The following GATAD2A variants were observed in gnomAD, a reference collection of about 807,000 sequenced individuals.
GATAD2A encodes the protein transcriptional repressor p66-alpha.
A neutral mutation model predicts 68.5 loss-of-function variants in GATAD2A; 12 were observed. The ratio of observed to expected loss-of-function variants is 0.18; its 90% CI spans 0.11 to 0.28. The LOEUF (loss-of-function observed/expected upper bound fraction) is 0.28, where lower values mean the gene tolerates loss of function less well. Ranked by LOEUF, GATAD2A falls within the 10% of genes least tolerant of loss-of-function variation. The pLI is 1.00. For missense variants in GATAD2A, 755 were observed against 868.5 expected, an observed-to-expected ratio of 0.87 and a Z score of 1.64; for synonymous variants, 410 against 375.3, an observed-to-expected ratio of 1.09 and a Z score of -1.07.
At chr19:19,396,538 A>T (rs2049254285) in intron 1 of GATAD2A, among the ~76,000 whole-genome samples, 1 of 152,092 alleles carries the variant, frequency 6.6e-6, no homozygotes, top group Admixed American at 6.6e-5. Flanking sequence ...GCCTCACCTT[A>T]CTGTACTCTC....
intron 1 of GATAD2A, chr19:19,458,752 A>G (rs2057162068): frequency 6.6e-6 from 1 of 152,196 alleles, no homozygotes; most frequent in African/African-American, 2.4e-5. Flanking sequence ...CAGAAGGTAG[A>G]TGATTTAAGC....
At chr19:19,440,222 G>GT (rs2054847738) in intron 1 of GATAD2A, 1 of 297,158 alleles carries the variant, frequency 3.4e-6, no homozygotes, top group Non-Finnish European at 6.6e-6. Context: ...CTAAGGAAAG[G>GT]TGGGGGGATT....
intron 1 of GATAD2A, among the ~76,000 whole-genome samples, chr19:19,448,921 T>TGA (rs2056064942): frequency 6.6e-6 from 1 of 152,168 alleles, no homozygotes; most frequent in Admixed American, 6.6e-5. Context: ...GCCCTCAAGC[T>TGA]GAGACACAGG....
At position 19,465,009 on chromosome 19, in the gene GATAD2A, T is replaced by C. The variant is rs2057754509; in HGVS notation, c.-6-331T>C. On this transcript the variant is annotated intron_variant, in intron 1 of 11. Coordinates refer to ENST00000683918, the MANE Select transcript of GATAD2A (RefSeq NM_001384528.1). ...GAACAACTTTTCCTCTGTTTGCTGTTGAGCCTTTCCTTGCTGATAAGCAGC... is the reference window on the plus strand; with the variant it reads ...GAACAACTTTTCCTCTGTTTGCTGTCGAGCCTTTCCTTGCTGATAAGCAGC... The C allele has an allele frequency of 2.0e-5, 8 of 405,164 alleles. No individual in the cohort carries two copies. The South Asian group carries it at 2.2e-4, about 11-fold the overall frequency. 25.1% of individuals were successfully genotyped at this position (405,164 alleles called of 1,614,324 possible).
chr19:19,502,236 A>G, intron 10 of GATAD2A, 95 bp from the exon 11 acceptor site: 2 of 1,067,898 alleles, frequency 1.9e-6, no homozygotes, highest in East Asian at 4.8e-5. Context: ...GTGGGTGGGA[A>G]GAGGTCAGCC....
chr19:19,445,361 G>A (rs1039109423), intron 1 of GATAD2A, among the ~76,000 whole-genome samples: 6 of 152,172 alleles, frequency 3.9e-5, no homozygotes, highest in African/African-American at 1.2e-4. Flanking sequence ...ATTGGAATTA[G>A]TATTTTTGTT....
intron 1 of GATAD2A, among the ~76,000 whole-genome samples, chr19:19,430,976 G>GGTGTGTGTGTGTGTGTGTGTGTGTGT (rs71170687): frequency 7.3e-6 from 1 of 136,694 alleles, no homozygotes; most frequent in Non-Finnish European, 1.6e-5. Context: ...GTATGGTAGG[G>GGTGTGTGTGTGTGTGTGTGTGTGTGT]GTGTGTGTGT....
intron 1 of GATAD2A, among the ~76,000 whole-genome samples, chr19:19,416,460 C>T (rs984927692): frequency 6.6e-6 from 1 of 152,150 alleles, no homozygotes; most frequent in Admixed American, 6.5e-5. Flanking sequence ...TGCTCACTCC[C>T]TTGGGAAATA....
intron 1 of GATAD2A, among the ~76,000 whole-genome samples, chr19:19,455,506 AT>A (rs1029616509): frequency 2.6e-5 from 4 of 152,102 alleles, no homozygotes; most frequent in Admixed American, 1.3e-4. Context: ...TAAAAAAAAA[AT>A]TTTTTTTGAA....
chr19:19,465,574 C>G lies in GATAD2A; in HGVS notation c.229C>G (p.Leu77Val). ...TAMAMGRGEG[L>V]VGDGPVDMRT... Reference sequence around the variant, plus strand: ...CATGGCCATGGGCAGAGGCGAAGGGCTGGTGGGCGATGGGCCCGTGGACAT... The same window carrying G: ...CATGGCCATGGGCAGAGGCGAAGGGGTGGTGGGCGATGGGCCCGTGGACAT... Residue 77 changes from leucine (L) to valine (V), a missense_variant, in exon 2 of 12, where the codon CTG becomes GTG. By Grantham distance (32) the Leu-to-Val change is conservative. Coordinates refer to ENST00000683918, the MANE Select transcript of GATAD2A (RefSeq NM_001384528.1). 1 of 1,613,534 alleles carries G rather than the reference C, an allele frequency of 6.2e-7. No individual in the cohort carries two copies. Among genetic ancestry groups the G allele is most frequent in the Non-Finnish European group, 8.5e-7 (1 of 1,179,674 alleles).
intron 7 of GATAD2A, among the ~76,000 whole-genome samples, chr19:19,496,588 G>A (rs563199007): frequency 4.6e-5 from 7 of 152,208 alleles, no homozygotes; most frequent in Non-Finnish European, 1.0e-4. Flanking sequence ...TGATGGGCCC[G>A]GAGATGCCTT....
intron 1 of GATAD2A, among the ~76,000 whole-genome samples, chr19:19,437,770 T>G (rs1321091344): frequency 6.6e-6 from 1 of 152,264 alleles, no homozygotes. Context: ...TTTTTATGGC[T>G]GAATGATATT....
rs956629442 is a variant in GATAD2A at position 19,506,814 on chromosome 19, A to G, written c.*1340A>G. 1 of 152,210 alleles carries G rather than the reference A, an allele frequency of 6.6e-6. No homozygotes were observed. The highest frequency in any genetic ancestry group is 2.4e-5 in the African/African-American group (1 of 41,452). The allele number at this position is 152,210 out of a possible 1,614,324, so 9.4% of individuals were successfully genotyped here. A position where few individuals can be genotyped will look rare whatever the true frequency, so the allele number is the denominator to read the frequency against. ...GCGAGGGCGTCCCGTGCCCACGTAC[A>G]TACGTATGTCTCCATGAGTTCTGGG... On this transcript the variant is annotated 3_prime_UTR_variant, in exon 12 of 12. Transcript: ENST00000683918.
At chr19:19,399,560 A>G (rs2049544312) in intron 1 of GATAD2A, among the ~76,000 whole-genome samples, 1 of 152,126 alleles carries the variant, frequency 6.6e-6, no homozygotes, top group Non-Finnish European at 1.5e-5. Context: ...GTCTCTATTG[A>G]AGGTTACCTT....
At chr19:19,442,555 A>G (rs1175207975) in intron 1 of GATAD2A, among the ~76,000 whole-genome samples, 1 of 152,104 alleles carries the variant, frequency 6.6e-6, no homozygotes, top group Non-Finnish European at 1.5e-5. Flanking sequence ...TCAGCCTGGG[A>G]GGCGGAAAGT....
chr19:19,475,117 C>T (rs559746202), intron 2 of GATAD2A, among the ~76,000 whole-genome samples: 3 of 152,382 alleles, frequency 2.0e-5, no homozygotes, highest in East Asian at 1.9e-4. Context: ...GCTGAGCTTC[C>T]ACCCCCTGCT....
In GATAD2A at chr19:19,507,448, G is replaced by C. The variant is rs149330179; in HGVS notation, c.*1974G>C. On this transcript the variant is annotated 3_prime_UTR_variant, in exon 12 of 12. Transcript: ENST00000683918. ...CTTCCCACTGAAAGCCCTCCCCAGC[G>C]AACCAACCTCAGTTCTATGCAGTGG... 1.3e-5 allele frequency: 2 copies of C among 152,124 alleles called. No homozygotes were observed. Among genetic ancestry groups the C allele is most frequent in the Admixed American group, 6.6e-5 (1 of 15,262 alleles). 9.4% of individuals were successfully genotyped at this position (152,124 alleles called of 1,614,324 possible).
intron 1 of GATAD2A, among the ~76,000 whole-genome samples, chr19:19,441,074 A>T (rs1600133397): frequency 8.2e-6 from 1 of 121,718 alleles, no homozygotes; most frequent in Admixed American, 9.8e-5. Context: ...CCCTCCCCTC[A>T]CTCTGTCACC....
intron 2 of GATAD2A, among the ~76,000 whole-genome samples, chr19:19,468,255 G>T (rs764232254): frequency 6.6e-6 from 1 of 152,234 alleles, no homozygotes; most frequent in Non-Finnish European, 1.5e-5. Flanking sequence ...CAACAGCTTC[G>T]CTGTGTGGGT....
Sources: allele counts gnomAD v4.1 joint callset (sites outside exome capture counted in the v4.1 genomes callset), GRCh38; gene constraint gnomAD v4.1.1; transcripts MANE v1.5; gene names NCBI Gene and HGNC (gene_info 2026-07-23, HGNC 2026-07-21).